CASP4: variants seen among roughly 807,000 people sequenced by gnomAD.
CASP4 encodes caspase 4, also known as caspase-4.
CASP4 carries 29 observed loss-of-function variants against 41.3 expected under a neutral mutation model. The ratio of observed to expected loss-of-function variants is 0.70; its 90% CI spans 0.52 to 0.96. The LOEUF (loss-of-function observed/expected upper bound fraction) is 0.96, where lower values mean the gene tolerates loss of function less well. CASP4 is among the 40% of genes least tolerant of loss of function. CASP4 has a pLI of 0.00. For missense variants in CASP4, 447 were observed against 460.6 expected (o/e 0.97, Z 0.27); for synonymous variants, 185 against 158.4 (o/e 1.17, Z -1.26).
Position 104,948,615 on chromosome 11 carries a change from C to CT in CASP4, c.842dup (p.Ser282ValfsTer3). ...CATCTTCCTCTAGGTTCTCAGATGA[C>CT]TGTGAAGAGGCCACTTCCAAGGATG... On this transcript the variant is annotated frameshift_variant, in exon 6 of 9. Transcript: ENST00000444739. LOFTEE classifies it high-confidence loss of function. The CT allele has an allele frequency of 6.2e-7, 1 of 1,611,378 alleles. No homozygotes were observed. Among genetic ancestry groups the CT allele is most frequent in the South Asian group, 1.1e-5 (1 of 90,516 alleles).
chr11:104,954,944 A>G lies in CASP4; in HGVS notation c.65T>C (p.Leu22Pro). 1 of 1,613,704 alleles carries G rather than the reference A, an allele frequency of 6.2e-7. No individual in the cohort carries two copies. The highest frequency in any genetic ancestry group is 8.5e-7 in the Non-Finnish European group (1 of 1,179,754). Residue 22 changes from leucine to proline, a missense_variant, in exon 2 of 9, where the codon CTC (leucine) becomes CCC (proline). By Grantham distance (98) the Leu-to-Pro change is moderately conservative. Transcript: ENST00000444739. Reference protein sequence around the residue: ...KVLESLGKDFLTGVLDNLVEQ... With the variant: ...KVLESLGKDFPTGVLDNLVEQ... ...CACCAAGTTATCCAAAACACCAGTG[A>G]GGAAATCTTTGCCCAGGGATTCCAA...
chr11:104,964,898 A>G (rs933991708), intron 1 of CASP4, among the ~76,000 whole-genome samples: 1 of 152,224 alleles, frequency 6.6e-6, no homozygotes, highest in African/African-American at 2.4e-5. Context: ...TTTAAACAAA[A>G]AACAGCCTAA....
chr11:104,965,299 A>C (rs377392898), intron 1 of CASP4, among the ~76,000 whole-genome samples: 3 of 152,224 alleles, frequency 2.0e-5, no homozygotes, highest in African/African-American at 7.2e-5. Flanking sequence ...AAGCATTGGA[A>C]GCCCAGCCAG....
chr11:104,966,691 G>A (rs963703343), intron 1 of CASP4, among the ~76,000 whole-genome samples: 1 of 152,140 alleles, frequency 6.6e-6, no homozygotes, highest in African/African-American at 2.4e-5. Context: ...GCTTTAGAAG[G>A]AATAGAAATG....
At position 104,961,886 on chromosome 11, in the gene CASP4, T is replaced by C. The variant is rs1860868778; in HGVS notation, c.7+6633A>G. On this transcript the variant is annotated intron_variant, in intron 1 of 8. Transcript: ENST00000444739. Reference sequence around the variant, plus strand: ...GAGAAAGTTCAATAGGCCTGTCTCATGGTGACTATCTGCTCTTTGCCTTAC... The same window carrying C: ...GAGAAAGTTCAATAGGCCTGTCTCACGGTGACTATCTGCTCTTTGCCTTAC... 2.0e-5 allele frequency among the ~76,000 whole-genome samples: 3 copies of C among 152,216 alleles called. No homozygotes were observed. The South Asian group carries it at 6.2e-4, about 31-fold the overall frequency.
At position 104,944,793 on chromosome 11, in the gene CASP4, A is replaced by T. The variant is rs1247307903; in HGVS notation, c.1094T>A (p.Leu365Gln). 1.2e-6 allele frequency: 2 copies of T among 1,613,536 alleles called. No individual in the cohort carries two copies. Among genetic ancestry groups the T allele is most frequent in the African/African-American group, 1.3e-5 (1 of 74,916 alleles). The change falls in exon 8 of 9, where the codon CTG becomes CAG. Residue 365 changes from leucine to glutamine, a missense_variant. Coordinates refer to ENST00000444739, the MANE Select transcript of CASP4 (RefSeq NM_001225.4). ...AKAQMPTIER[L>Q]SMTRYFYLFP... is the part of the protein sequence containing the mutation. ...GAGGTAGAAATATCTTGTCATGGAC[A>T]GTCGTTCTATGGTGGGCATTTGAGC... is the stretch of plus-strand genomic sequence containing the variant.
intron 1 of CASP4, among the ~76,000 whole-genome samples, chr11:104,963,371 C>A (rs1329722151): frequency 1.3e-5 from 2 of 152,120 alleles, no homozygotes; most frequent in Non-Finnish European, 2.9e-5. Context: ...TTGGGAAAAA[C>A]AAACAACAAG....
chr11:104,945,427 T>C (rs1281627050), intron 7 of CASP4, among the ~76,000 whole-genome samples: 1 of 152,064 alleles, frequency 6.6e-6, no homozygotes, highest in African/African-American at 2.4e-5. Context: ...TAATTGGTTT[T>C]TTGTATTTTT....
chr11:104,947,854 T>A (rs1439654947), intron 6 of CASP4: 1 of 152,172 alleles, frequency 6.6e-6, no homozygotes, highest in Admixed American at 6.6e-5. Flanking sequence ...AACAGAGAAG[T>A]GTAAGAATCT....
At chr11:104,955,128 G>T in intron 1 of CASP4, 127 bp from the exon 2 acceptor site, 2 of 907,086 alleles carry the variant, frequency 2.2e-6, no homozygotes, top group South Asian at 1.7e-5. Flanking sequence ...CTGTCTTCTT[G>T]TACCTATAGA....
chr11:104,953,501 GA>G (rs1860663958), intron 2 of CASP4, among the ~76,000 whole-genome samples: 1 of 151,994 alleles, frequency 6.6e-6, no homozygotes, highest in Non-Finnish European at 1.5e-5. Context: ...CCAGGTTTGA[GA>G]AAAAACTAAA....
At chr11:104,962,632 G>T (rs1860886406) in intron 1 of CASP4, among the ~76,000 whole-genome samples, 1 of 152,124 alleles carries the variant, frequency 6.6e-6, no homozygotes, top group Non-Finnish European at 1.5e-5. Flanking sequence ...CTCCTTAAGA[G>T]CTTAATCTTG....
intron 7 of CASP4, 59 bp from the exon 8 acceptor site, chr11:104,944,910 CT>C: frequency 1.7e-6 from 2 of 1,162,638 alleles, no homozygotes; most frequent in Non-Finnish European, 2.6e-6. Flanking sequence ...CAGAAAGCAT[CT>C]TTCACCATGT....
At chr11:104,944,368 CTGTGTGTG>C (rs199937164) in intron 8 of CASP4, 16 of 141,464 alleles carry the variant, frequency 1.1e-4, no homozygotes, top group East Asian at 6.0e-4. Context: ...CTCTCTCTCT[CTGTGTGTG>C]TGTGTGTGTG....
chr11:104,943,197 C>A, intron 8 of CASP4: 1 of 315,718 alleles, frequency 3.2e-6, no homozygotes, highest in Non-Finnish European at 6.2e-6. Flanking sequence ...CTTCCTGTCT[C>A]GCTCAGATAA....
intron 1 of CASP4, among the ~76,000 whole-genome samples, chr11:104,967,710 C>T (rs978092713): frequency 2.0e-5 from 3 of 152,132 alleles, no homozygotes; most frequent in African/African-American, 7.2e-5. Flanking sequence ...AGGGGGTAGT[C>T]ATCTGACTTT....
intron 7 of CASP4, chr11:104,946,715 T>C (rs1475622370): frequency 6.0e-6 from 1 of 167,030 alleles, no homozygotes; most frequent in East Asian, 1.7e-4. Flanking sequence ...GATTACGTCA[T>C]GTAGGCCTCA....
At chr11:104,948,491 C>A (rs751067344) in intron 6 of CASP4, 42 bp downstream of exon 6, 2 of 1,526,640 alleles carry the variant, frequency 1.3e-6, no homozygotes, top group South Asian at 1.3e-5. Context: ...CAAAGATGGC[C>A]TCAGGCCCAC....
rs111529158 is a variant in CASP4, at chr11:104,964,868, CA to C, written c.7+3650del. ...GTCTTATCTGAGATTCCTCATGGAA[CA>C]GAGTTCCATCAAAGCCAATTTAAAC... On this transcript the variant is annotated intron_variant, in intron 1 of 8. Coordinates refer to ENST00000444739, the MANE Select transcript of CASP4 (RefSeq NM_001225.4). Among the ~76,000 whole-genome samples the C allele has an allele frequency of 2.0e-5, 3 of 152,260 alleles. 1 individual carries two copies. The highest frequency in any genetic ancestry group is 7.2e-5 in the African/African-American group (3 of 41,538).
Sources: allele counts gnomAD v4.1 joint callset (sites outside exome capture counted in the v4.1 genomes callset), GRCh38; gene constraint gnomAD v4.1.1; transcripts MANE v1.5; gene names NCBI Gene and HGNC (gene_info 2026-07-23, HGNC 2026-07-21).